Variants in RAP1A observed in about 807,000 individuals in gnomAD.
The protein encoded by RAP1A is RAP1A, member of RAS oncogene family.
A neutral mutation model predicts 26.4 loss-of-function variants in RAP1A; 6 were observed. The observed-to-expected ratio is 0.23, with a 90% CI of 0.12 to 0.45. The LOEUF is 0.45. Ranked by LOEUF, RAP1A falls within the 20% of genes least tolerant of loss-of-function variation. The pLI is 0.99. For missense variants in RAP1A, 121 were observed against 217.2 expected, an observed-to-expected ratio of 0.56 and a Z score of 2.78; for synonymous variants, 73 against 79.4, an observed-to-expected ratio of 0.92 and a Z score of 0.43.
exon 1 of RAP1A, chr1:111,542,312 G>C: frequency 2.0e-6 from 1 of 502,312 alleles, no homozygotes; most frequent in East Asian, 5.1e-5. Context: ...CAAGAGCAAA[G>C]AAGTTAAAAG....
chr1:111,665,570 A>G (rs1227396756), intron 1 of RAP1A, among the ~76,000 whole-genome samples: 2 of 152,222 alleles, frequency 1.3e-5, no homozygotes, highest in Non-Finnish European at 2.9e-5. Flanking sequence ...ATACTGAAGA[A>G]TATTCACTTT....
intron 1 of RAP1A, among the ~76,000 whole-genome samples, chr1:111,661,040 T>TCCGG (rs1660620110): frequency 6.6e-6 from 1 of 152,232 alleles, no homozygotes; most frequent in Non-Finnish European, 1.5e-5. Flanking sequence ...CTGACTTGTT[T>TCCGG]CTGGCAGGAG....
chr1:111,575,744 C>T (rs1480230270), intron 1 of RAP1A, among the ~76,000 whole-genome samples: 1 of 152,102 alleles, frequency 6.6e-6, no homozygotes, highest in Non-Finnish European at 1.5e-5. Flanking sequence ...CCTGCTGACA[C>T]CTTCATCTTG....
At chr1:111,553,700 A>G (rs1453424529) in intron 1 of RAP1A, among the ~76,000 whole-genome samples, 2 of 152,168 alleles carry the variant, frequency 1.3e-5, no homozygotes, top group African/African-American at 4.8e-5. Flanking sequence ...TTTCACACGT[A>G]TACTGTGATG....
upstream of RAP1A, among the ~76,000 whole-genome samples, chr1:111,617,669 C>G (rs189495837): frequency 2.9e-3 from 444 of 151,296 alleles, no homozygotes; most frequent in African/African-American, 0.01. Context: ...CTCCTGACCT[C>G]GTGATCCACC....
intron 3 of RAP1A, among the ~76,000 whole-genome samples, chr1:111,695,786 A>G (rs1243609452): frequency 2.0e-5 from 3 of 152,210 alleles, no homozygotes; most frequent in Non-Finnish European, 4.4e-5. Context: ...GTTTAGTTTT[A>G]TAAGTTTAAA....
intron 1 of RAP1A, among the ~76,000 whole-genome samples, chr1:111,676,420 G>A (rs1198179004): frequency 6.6e-6 from 1 of 151,938 alleles, no homozygotes; most frequent in East Asian, 1.9e-4. Context: ...TATGTAACTG[G>A]TATTCTGAGA....
intron 1 of RAP1A, among the ~76,000 whole-genome samples, chr1:111,688,802 GTTTTTGTTTTTTTT>G (rs1460435928): frequency 3.4e-4 from 43 of 125,828 alleles, no homozygotes; most frequent in African/African-American, 7.7e-4. Context: ...ATGGGTTTTT[GTTTTTGTTTTTTTT>G]TTTTTGTTTT....
At chr1:111,677,123 C>T (rs1250588365) in intron 1 of RAP1A, among the ~76,000 whole-genome samples, 1 of 152,174 alleles carries the variant, frequency 6.6e-6, no homozygotes, top group African/African-American at 2.4e-5. Context: ...AGTAGAATTA[C>T]AGAATATTAC....
At chr1:111,550,220 T>A (rs959734039) in intron 1 of RAP1A, among the ~76,000 whole-genome samples, 1 of 152,202 alleles carries the variant, frequency 6.6e-6, no homozygotes, top group Non-Finnish European at 1.5e-5. Flanking sequence ...TCTCCCTATT[T>A]TTCTGGTCAG....
intron 1 of RAP1A, among the ~76,000 whole-genome samples, chr1:111,626,392 CACACACACAT>C (rs1296913204): frequency 1.3e-5 from 2 of 151,666 alleles, no homozygotes; most frequent in South Asian, 2.1e-4. Flanking sequence ...CACACACACA[CACACACACAT>C]ATGCATGTAT....
chr1:111,587,782 T>C (rs1658403869), intron 1 of RAP1A, among the ~76,000 whole-genome samples: 1 of 152,178 alleles, frequency 6.6e-6, no homozygotes, highest in Non-Finnish European at 1.5e-5. Flanking sequence ...AAGTCACTAA[T>C]TACCTGCACA....
intron 1 of RAP1A, among the ~76,000 whole-genome samples, chr1:111,556,485 G>T (rs1452789261): frequency 6.6e-6 from 1 of 152,170 alleles, no homozygotes; most frequent in Non-Finnish European, 1.5e-5. Context: ...AGTTGCCATA[G>T]GGTGGAGGCA....
chr1:111,704,148 A>AC (rs71580586), intron 5 of RAP1A, among the ~76,000 whole-genome samples, 195 bp from the exon 6 acceptor site: 3 of 136,866 alleles, frequency 2.2e-5, no homozygotes, highest in African/African-American at 5.5e-5. Flanking sequence ...GATCTCTTCC[A>AC]TTTTTTTTTT....
At chr1:111,642,381 GTTAA>G (rs1171190804) in intron 1 of RAP1A, among the ~76,000 whole-genome samples, 1 of 152,178 alleles carries the variant, frequency 6.6e-6, no homozygotes. Context: ...ATAAATAACA[GTTAA>G]TTAGTTTATT....
At chr1:111,652,544 T>A (rs1660307804) in intron 1 of RAP1A, among the ~76,000 whole-genome samples, 1 of 152,026 alleles carries the variant, frequency 6.6e-6, no homozygotes, top group South Asian at 2.1e-4. Context: ...TCACAAAGCA[T>A]AAAACATTTA....
chr1:111,694,234 G>T (rs914659810), intron 2 of RAP1A, among the ~76,000 whole-genome samples: 1 of 152,126 alleles, frequency 6.6e-6, no homozygotes, highest in Admixed American at 6.6e-5. Context: ...AGAAGATGAG[G>T]TGATTAAATC....
At chr1:111,616,054 G>A (rs1659009085), upstream of RAP1A, among the ~76,000 whole-genome samples, 1 of 152,182 alleles carries the variant, frequency 6.6e-6, no homozygotes, top group Admixed American at 6.5e-5. Context: ...CTGAGTGACT[G>A]AGAAAGGTAG....
Position 111,583,489 on chromosome 1 carries a change from C to T in RAP1A, c.-28+40980C>T, listed in dbSNP as rs546086523. On this transcript the variant is annotated intron_variant, in intron 1 of 7. Coordinates refer to the RAP1A transcript ENST00000356415. ...CCATTCAAAAAAAAAAAAATACAGT[C>T]AGTTTAAGCACGATGTATCATTTTC... Among the ~76,000 whole-genome samples, 11 of 151,344 alleles carry T rather than the reference C, an allele frequency of 7.3e-5. No homozygotes were observed. In the East Asian group the frequency reaches 7.8e-4, roughly 11 times the overall value.
Sources: gnomAD v4.1 joint callset for allele counts (sites outside exome capture counted in the v4.1 genomes callset) on GRCh38, gnomAD v4.1.1 for gene constraint, MANE v1.5 for transcripts, NCBI Gene and HGNC (gene_info 2026-07-23, HGNC 2026-07-21) for gene names.